GRIK1: variants seen among roughly 807,000 people sequenced by gnomAD.
GRIK1 encodes glutamate ionotropic receptor kainate type subunit 1.
A neutral mutation model predicts 105.7 loss-of-function variants in GRIK1; 69 were observed. That is an observed-to-expected ratio of 0.65 (90% CI 0.54 to 0.80). GRIK1 has a LOEUF of 0.80. Ranked by LOEUF, GRIK1 falls within the 30% of genes least tolerant of loss-of-function variation. The probability of loss-of-function intolerance (pLI) is 0.00; values close to 1 mark genes in which losing one functional copy is unlikely to be tolerated. For synonymous variants in GRIK1, 438 were observed against 431.3 expected (o/e 1.02, Z -0.19); for missense variants, 1,109 against 1,167.3 (o/e 0.95, Z 0.73).
chr21:29,666,215 C>A (rs1447046764), intron 4 of GRIK1, among the ~76,000 whole-genome samples: 5 of 152,124 alleles, frequency 3.3e-5, no homozygotes, highest in African/African-American at 9.7e-5. Flanking sequence ...ACCAGCCTGA[C>A]CAACATAGAG....
chr21:29,906,173 T>C (rs1448484498), intron 1 of GRIK1, among the ~76,000 whole-genome samples: 1 of 152,198 alleles, frequency 6.6e-6, no homozygotes, highest in African/African-American at 2.4e-5. Flanking sequence ...AGGAAAATAA[T>C]TTCAGCTCAT....
chr21:29,801,165 C>CT (rs1365429874), intron 1 of GRIK1, among the ~76,000 whole-genome samples: 1 of 151,882 alleles, frequency 6.6e-6, no homozygotes, highest in Non-Finnish European at 1.5e-5. Context: ...CTTTGGAATG[C>CT]TTTTAAGTTG....
At chr21:29,650,012 A>T (rs1384898789) in intron 6 of GRIK1, among the ~76,000 whole-genome samples, 1 of 152,190 alleles carries the variant, frequency 6.6e-6, no homozygotes, top group Non-Finnish European at 1.5e-5. Context: ...ATTTCCCTGG[A>T]TATTCTCTAC....
intron 7 of GRIK1, among the ~76,000 whole-genome samples, chr21:29,607,813 A>G (rs2146357186): frequency 6.6e-6 from 1 of 152,290 alleles, no homozygotes; most frequent in Non-Finnish European, 1.5e-5. Context: ...TTTACCAATG[A>G]GACAAGATAG....
At chr21:29,807,668 A>G (rs2145878215) in intron 1 of GRIK1, among the ~76,000 whole-genome samples, 1 of 152,264 alleles carries the variant, frequency 6.6e-6, no homozygotes, top group South Asian at 2.1e-4. Flanking sequence ...AAATTCAAGA[A>G]CAAATTTGTT....
intron 16 of GRIK1, among the ~76,000 whole-genome samples, chr21:29,544,835 C>T (rs984895535): frequency 6.6e-6 from 1 of 152,210 alleles, no homozygotes; most frequent in Non-Finnish European, 1.5e-5. Context: ...GAGAAAAGTT[C>T]AATCAGGTGA....
At chr21:29,563,347 A>G (rs2090531324) in intron 14 of GRIK1, among the ~76,000 whole-genome samples, 1 of 152,144 alleles carries the variant, frequency 6.6e-6, no homozygotes, top group Admixed American at 6.5e-5. Flanking sequence ...GAGTTAGGGG[A>G]GGACAGATGG....
At chr21:29,723,344 T>C (rs1420914743) in intron 1 of GRIK1, among the ~76,000 whole-genome samples, 1 of 152,248 alleles carries the variant, frequency 6.6e-6, no homozygotes. Flanking sequence ...TTAACTGTTA[T>C]AATTATTACA....
intron 14 of GRIK1, among the ~76,000 whole-genome samples, chr21:29,564,756 A>G (rs1856054226): frequency 6.6e-6 from 1 of 152,220 alleles, no homozygotes; most frequent in South Asian, 2.1e-4. Flanking sequence ...TGAGTATTCA[A>G]CAGTATGCAG....
intron 1 of GRIK1, among the ~76,000 whole-genome samples, chr21:29,698,139 G>C (rs951238496): frequency 5.3e-5 from 8 of 151,658 alleles, no homozygotes; most frequent in African/African-American, 1.7e-4. Flanking sequence ...ACGTCTGAAG[G>C]CTTTAGGGGT....
chr21:29,614,106 G>A (rs78656398), intron 7 of GRIK1, among the ~76,000 whole-genome samples: 7,200 of 151,966 alleles, frequency 0.047, 252 homozygotes, highest in Non-Finnish European at 0.072. Flanking sequence ...TTCCCCCATC[G>A]TTTCCTAAAT....
chr21:29,544,321 A>C (rs1247015719), intron 16 of GRIK1, among the ~76,000 whole-genome samples: 1 of 152,202 alleles, frequency 6.6e-6, no homozygotes, highest in Admixed American at 6.5e-5. Context: ...TCCTTAAAAA[A>C]TTTTGCACAT....
At chr21:29,907,741 G>T (rs2070694521) in intron 1 of GRIK1, among the ~76,000 whole-genome samples, 1 of 152,050 alleles carries the variant, frequency 6.6e-6, no homozygotes, top group African/African-American at 2.4e-5. Flanking sequence ...CTGCCTACAG[G>T]AGTCTCATTC....
chr21:29,803,474 C>T (rs999422268), intron 1 of GRIK1, among the ~76,000 whole-genome samples: 4 of 152,134 alleles, frequency 2.6e-5, no homozygotes, highest in Non-Finnish European at 5.9e-5. Flanking sequence ...CAATAGAATG[C>T]AGGAGAATGC....
chr21:29,573,665 C>T (rs1479343341), intron 14 of GRIK1, among the ~76,000 whole-genome samples: 1 of 152,102 alleles, frequency 6.6e-6, no homozygotes, highest in Non-Finnish European at 1.5e-5. Flanking sequence ...GCCTGGCCAA[C>T]ATGGTGAAAC....
intron 1 of GRIK1, among the ~76,000 whole-genome samples, chr21:29,840,555 C>T (rs763239481): frequency 3.5e-4 from 53 of 152,268 alleles, no homozygotes; most frequent in Non-Finnish European, 6.2e-4. Context: ...CTATTGCAGG[C>T]TTGAGAAATC....
At position 29,689,839 on chromosome 21, in the gene GRIK1, A is replaced by C. The variant is rs771961861; in HGVS notation, c.433T>G (p.Leu145Val). 1.2e-5 allele frequency: 20 copies of C among 1,614,004 alleles called. No individual in the cohort carries two copies. The highest frequency in any genetic ancestry group is 1.7e-5 in the Non-Finnish European group (20 of 1,179,996). Residue 145 changes from leucine (L) to valine (V), a missense_variant, in exon 3 of 18, where the codon TTG becomes GTG. Coordinates refer to ENST00000327783, the MANE Select transcript of GRIK1 (RefSeq NM_001330994.2). ...WKHPSVDNKDLFYINLYPDYA... is the reference protein window; with the variant it reads ...WKHPSVDNKDVFYINLYPDYA... ...TCTGGGTAAAGGTTGATGTAAAACA[A>C]ATCTTTGTTGTCCACCGAGGGGTGT...
intron 3 of GRIK1, among the ~76,000 whole-genome samples, chr21:29,674,445 C>T (rs1037233389): frequency 2.0e-5 from 3 of 151,874 alleles, no homozygotes; most frequent in East Asian, 1.9e-4. Context: ...TGCTGTAGAA[C>T]CTTATCAAGA....
chr21:29,689,710 C>A lies in GRIK1; in HGVS notation c.544+18G>T, dbSNP rs2063549064. On this transcript the variant is annotated intron_variant, in intron 3 of 17. Coordinates refer to ENST00000327783, the MANE Select transcript of GRIK1 (RefSeq NM_001330994.2). ...CAGAGCAGACATGGTCGGGTGAGGT[C>A]TTGTGTGAGTCCCATACCTGTGCTG... The A allele has an allele frequency of 6.2e-7, 1 of 1,611,844 alleles. No homozygotes were observed.
Sources: allele counts gnomAD v4.1 joint callset (sites outside exome capture counted in the v4.1 genomes callset), GRCh38; gene constraint gnomAD v4.1.1; transcripts MANE v1.5; gene names NCBI Gene and HGNC (gene_info 2026-07-23, HGNC 2026-07-21).